Variants in PTCHD4 observed in about 807,000 individuals in gnomAD.
The protein encoded by PTCHD4 is patched domain containing 4.
Under a neutral mutation model 58.1 loss-of-function variants are expected in PTCHD4, and 33 were observed. The ratio of observed to expected loss-of-function variants is 0.57; its 90% CI spans 0.43 to 0.76. PTCHD4 has a LOEUF of 0.76. Ranked by LOEUF, PTCHD4 falls within the 30% of genes least tolerant of loss-of-function variation. The probability of loss-of-function intolerance (pLI) is 0.00; values close to 1 mark genes in which losing one functional copy is unlikely to be tolerated. For synonymous variants in PTCHD4, 478 were observed against 409.6 expected (o/e 1.17, Z -2.02); for missense variants, 1,058 against 1,027.1 (o/e 1.03, Z -0.41).
chr6:48,022,339 A>T (rs1763100155), intron 3 of PTCHD4, among the ~76,000 whole-genome samples: 1 of 151,908 alleles, frequency 6.6e-6, no homozygotes, highest in Non-Finnish European at 1.5e-5. Flanking sequence ...AAAATACTAG[A>T]TAAAGAATAC....
intron 3 of PTCHD4, among the ~76,000 whole-genome samples, chr6:48,023,121 G>T (rs2814473): frequency 6.6e-6 from 1 of 151,938 alleles, no homozygotes; most frequent in Non-Finnish European, 1.5e-5. Flanking sequence ...GTAAAATTTC[G>T]TGCCATTTCA....
At position 47,878,908 on chromosome 6, in the gene PTCHD4, A is replaced by G. The variant is rs781268502; in HGVS notation, c.1927T>C (p.Ser643Pro). 1 of 1,613,502 alleles carries G rather than the reference A, an allele frequency of 6.2e-7. No individual in the cohort carries two copies. The highest frequency in any genetic ancestry group is 8.5e-7 in the Non-Finnish European group (1 of 1,179,748). ...KSIRFIVFNP[S>P]FVFMDHYSLS... Reference sequence around the variant, plus strand: ...CTGTAATGGTCCATGAAGACAAAGGAGGGGTTGAACACGATGAATCGGATG... The same window carrying G: ...CTGTAATGGTCCATGAAGACAAAGGGGGGGTTGAACACGATGAATCGGATG... The change falls in exon 5 of 5, where the codon TCC becomes CCC. Residue 643 changes from serine to proline, a missense_variant. Ser to Pro is a moderately conservative substitution (Grantham distance 74). Coordinates refer to ENST00000339488, the MANE Select transcript of PTCHD4 (RefSeq NM_001384253.1).
intron 1 of PTCHD4, among the ~76,000 whole-genome samples, chr6:48,072,283 G>T (rs537908661): frequency 2.4e-4 from 37 of 152,052 alleles, no homozygotes; most frequent in Non-Finnish European, 4.7e-4. Context: ...ATTTATATTG[G>T]CATGGACTCA....
Position 47,867,569 on chromosome 6 carries a change from T to C in PTCHD4, c.*10734A>G. Among the ~76,000 whole-genome samples the C allele has an allele frequency of 6.6e-6, 1 of 151,710 alleles. No individual in the cohort carries two copies. Reference sequence around the variant, plus strand: ...TACCACTCACAATGGGCGCTTCCTTTTTATTCCCATCTGTAACAAGTCTCT... The same window carrying C: ...TACCACTCACAATGGGCGCTTCCTTCTTATTCCCATCTGTAACAAGTCTCT... On this transcript the variant is annotated 3_prime_UTR_variant, in exon 5 of 5. Coordinates refer to ENST00000339488, the MANE Select transcript of PTCHD4 (RefSeq NM_001384253.1).
chr6:47,960,442 C>A (rs1269304736), intron 4 of PTCHD4, among the ~76,000 whole-genome samples: 2 of 151,966 alleles, frequency 1.3e-5, no homozygotes, highest in Non-Finnish European at 2.9e-5. Context: ...CAAGACCTAA[C>A]TGTATTTTGT....
intron 4 of PTCHD4, among the ~76,000 whole-genome samples, chr6:47,961,437 G>A (rs1020407993): frequency 6.6e-6 from 1 of 151,788 alleles, no homozygotes; most frequent in African/African-American, 2.4e-5. Context: ...GATTACAGGT[G>A]CCCACTACCC....
intron 1 of PTCHD4, among the ~76,000 whole-genome samples, chr6:48,104,307 A>G (rs532488330): frequency 1.7e-4 from 26 of 152,174 alleles, no homozygotes; most frequent in Non-Finnish European, 3.2e-4. Flanking sequence ...CAACATTCTT[A>G]AAGAAAAGAA....
chr6:48,000,518 G>A (rs980378312), intron 4 of PTCHD4, among the ~76,000 whole-genome samples: 4 of 152,036 alleles, frequency 2.6e-5, no homozygotes, highest in African/African-American at 7.3e-5. Flanking sequence ...TTATCTTTCC[G>A]AATTTTCTTT....
intron 1 of PTCHD4, among the ~76,000 whole-genome samples, chr6:48,071,694 T>C (rs1332656009): frequency 6.6e-6 from 1 of 152,206 alleles, no homozygotes; most frequent in African/African-American, 2.4e-5. Context: ...TCATACTTTA[T>C]TTACTTTTCC....
At chr6:48,106,665 C>T (rs1765731983) in intron 1 of PTCHD4, among the ~76,000 whole-genome samples, 3 of 152,168 alleles carry the variant, frequency 2.0e-5, no homozygotes, top group African/African-American at 7.2e-5. Flanking sequence ...TCAAATTGTT[C>T]CTGTTTGCAG....
At chr6:48,081,219 A>C (rs1765161105) in intron 1 of PTCHD4, among the ~76,000 whole-genome samples, 1 of 152,220 alleles carries the variant, frequency 6.6e-6, no homozygotes, top group Non-Finnish European at 1.5e-5. Flanking sequence ...AAATAGATGT[A>C]ATTTGGTGAT....
chr6:48,044,825 AG>A (rs1763976372), intron 3 of PTCHD4, among the ~76,000 whole-genome samples: 1 of 151,824 alleles, frequency 6.6e-6, no homozygotes. Context: ...CAAATAATGA[AG>A]TCCTCAAAAT....
At chr6:47,932,944 GT>G (rs566822139) in intron 4 of PTCHD4, among the ~76,000 whole-genome samples, 39 of 152,306 alleles carry the variant, frequency 2.6e-4, no homozygotes, top group Non-Finnish European at 5.1e-4. Context: ...CTGGTACTAA[GT>G]TTTTTGTATT....
At chr6:47,996,907 AT>A (rs1244470054) in intron 4 of PTCHD4, among the ~76,000 whole-genome samples, 6 of 152,248 alleles carry the variant, frequency 3.9e-5, no homozygotes, top group Non-Finnish European at 8.8e-5. Context: ...TTCTAAAAAA[AT>A]AACCTTTATC....
chr6:47,994,102 C>G (rs561255825), intron 4 of PTCHD4, among the ~76,000 whole-genome samples: 77 of 152,218 alleles, frequency 5.1e-4, no homozygotes, highest in African/African-American at 1.9e-3. Flanking sequence ...TTCCTTCTAC[C>G]CTACTATCTT....
At chr6:47,893,023 T>C (rs1464740377) in intron 4 of PTCHD4, among the ~76,000 whole-genome samples, 1 of 152,190 alleles carries the variant, frequency 6.6e-6, no homozygotes, top group Non-Finnish European at 1.5e-5. Context: ...ATCTTTTTAT[T>C]TTTTTTGAGA....
Position 47,878,323 on chromosome 6 carries a change from C to G in PTCHD4, c.2512G>C (p.Asp838His). Residue 838 changes from aspartate to histidine, a missense_variant, in exon 5 of 5, where the codon GAT becomes CAT. Physicochemically the swap from Asp to His is moderately conservative, Grantham distance 81. Transcript: ENST00000339488. Reference protein sequence around the residue: ...IECIEIQENPDHVTTV With the variant: ...IECIEIQENPHHVTTV ...ACCCCTCATACTGTGGTGACGTGAT[C>G]CGGGTTCTCTTGAATTTCTATGCAT... 2 of 1,599,578 alleles carry G rather than the reference C, an allele frequency of 1.3e-6. No homozygotes were observed. Among genetic ancestry groups the G allele is most frequent in the Non-Finnish European group, 1.7e-6 (2 of 1,173,272 alleles).
chr6:48,083,978 G>T (rs1765213487), intron 1 of PTCHD4, among the ~76,000 whole-genome samples: 1 of 152,026 alleles, frequency 6.6e-6, no homozygotes, highest in South Asian at 2.1e-4. Context: ...CTAAATATCT[G>T]TGAGATAATA....
At chr6:47,947,826 G>T (rs1766483347) in intron 4 of PTCHD4, among the ~76,000 whole-genome samples, 1 of 152,036 alleles carries the variant, frequency 6.6e-6, no homozygotes, top group African/African-American at 2.4e-5. Flanking sequence ...ATAAATTCTG[G>T]AATAGTCTTA....
Sources: gnomAD v4.1 joint callset for allele counts (sites outside exome capture counted in the v4.1 genomes callset) on GRCh38, gnomAD v4.1.1 for gene constraint, MANE v1.5 for transcripts, NCBI Gene and HGNC (gene_info 2026-07-23, HGNC 2026-07-21) for gene names.